The following TENM1 variants were observed in gnomAD, a reference collection of about 807,000 sequenced individuals.
TENM1 encodes the protein teneurin-1.
Under a neutral mutation model 174.8 loss-of-function variants are expected in TENM1, and 35 were observed. The observed-to-expected ratio is 0.20, with a 90% CI of 0.15 to 0.27. The LOEUF (loss-of-function observed/expected upper bound fraction) is 0.27. Ranked by LOEUF, TENM1 falls within the 10% of genes least tolerant of loss-of-function variation. The probability of loss-of-function intolerance (pLI) is 1.00; values close to 1 mark genes in which losing one functional copy is unlikely to be tolerated. For missense variants in TENM1, 1,633 were observed against 2,130.1 expected, an observed-to-expected ratio of 0.77 and a Z score of 4.59; for synonymous variants, 781 against 798.7, an observed-to-expected ratio of 0.98 and a Z score of 0.37.
chrX:124,996,138 C>T, the TENM1 span, among the ~76,000 whole-genome samples: 1 of 111,328 alleles, frequency 9.0e-6, no homozygotes. Flanking sequence ...GAGAATTGTG[C>T]ATATTCTTTA....
At chrX:125,020,969 C>T in the TENM1 span, among the ~76,000 whole-genome samples, 1 of 111,315 alleles carries the variant, frequency 9.0e-6, no homozygotes, top group Non-Finnish European at 1.9e-5. Context: ...TGATTTAACA[C>T]TCTACATACA....
chrX:124,671,055 G>A (rs1347475092), intron 6 of TENM1, among the ~76,000 whole-genome samples: 1 of 111,051 alleles, frequency 9.0e-6, no homozygotes, highest in Non-Finnish European at 1.9e-5. Flanking sequence ...TTAAGACTAA[G>A]ATCATTCAGT....
chrX:124,964,195 A>G (rs193010016), upstream of TENM1, among the ~76,000 whole-genome samples: 7 of 112,532 alleles, frequency 6.2e-5, no homozygotes, highest in East Asian at 2.0e-3. Context: ...GAGTACAAAG[A>G]TTAACCCTGC....
chrX:124,996,730 C>T, the TENM1 span, among the ~76,000 whole-genome samples: 2 of 110,942 alleles, frequency 1.8e-5, no homozygotes, highest in Non-Finnish European at 3.8e-5. Flanking sequence ...GGCTAATCAA[C>T]CTCTTGAGCA....
chrX:124,584,607 C>G (rs752550524), intron 11 of TENM1, among the ~76,000 whole-genome samples: 11 of 111,278 alleles, frequency 9.9e-5, no homozygotes, highest in Non-Finnish European at 2.1e-4. Context: ...ACCATCAAGG[C>G]TAGGAAGAAA....
intron 1 of TENM1, among the ~76,000 whole-genome samples, chrX:124,931,716 A>G (rs2058173872): frequency 9.0e-6 from 1 of 111,252 alleles, no homozygotes; most frequent in Non-Finnish European, 1.9e-5. Flanking sequence ...AAGGGAGGCA[A>G]ACATTTTCTG....
chrX:124,674,135 T>G (rs1318083084), intron 5 of TENM1, among the ~76,000 whole-genome samples: 1 of 108,763 alleles, frequency 9.2e-6, no homozygotes, highest in Non-Finnish European at 1.9e-5. Context: ...AGAAAAAGAA[T>G]GAAAAGTCAT....
chrX:124,633,630 G>A (rs989852531), intron 11 of TENM1, among the ~76,000 whole-genome samples: 1 of 110,254 alleles, frequency 9.1e-6, no homozygotes, highest in Non-Finnish European at 1.9e-5. Flanking sequence ...AAAATCTTAT[G>A]GCCATTAAAT....
chrX:124,769,109 T>C (rs1278482536), intron 3 of TENM1, among the ~76,000 whole-genome samples: 5 of 112,232 alleles, frequency 4.5e-5, no homozygotes, highest in Admixed American at 9.4e-5. Context: ...CAATTATTAT[T>C]ATAACAAATG....
At chrX:124,653,001 C>T (rs972018553) in intron 7 of TENM1, among the ~76,000 whole-genome samples, 1 of 111,255 alleles carries the variant, frequency 9.0e-6, no homozygotes, top group Non-Finnish European at 1.9e-5. Flanking sequence ...ATCACTTTTT[C>T]TACTTCTTAG....
At chrX:124,379,886 C>T (rs1041713769) in exon 32 of TENM1, 2 of 111,813 alleles carry the variant, frequency 1.8e-5, no homozygotes, top group Non-Finnish European at 3.8e-5. Context: ...GCTATACAGT[C>T]TGGTTACCAC....
At chrX:124,503,079 C>T (rs2047368933) in intron 19 of TENM1, among the ~76,000 whole-genome samples, 1 of 111,508 alleles carries the variant, frequency 9.0e-6, no homozygotes, top group South Asian at 3.7e-4. Flanking sequence ...ATGTACATGT[C>T]CTACTATAGC....
intron 6 of TENM1, among the ~76,000 whole-genome samples, chrX:124,662,527 T>C (rs1387016880): frequency 9.2e-6 from 1 of 108,487 alleles, no homozygotes; most frequent in African/African-American, 3.4e-5. Flanking sequence ...ATGACCCAAC[T>C]GCCCTTTTGT....
At chrX:124,379,242 T>C (rs1290944980) in exon 32 of TENM1, 1 of 112,137 alleles carries the variant, frequency 8.9e-6, no homozygotes, top group Non-Finnish European at 1.9e-5. Flanking sequence ...TAAATAAAGA[T>C]AAATGGGTAA....
At chrX:124,482,013 C>T (rs367994000) in intron 21 of TENM1, 49 bp from the exon 25 acceptor site, 26 of 836,604 alleles carry the variant, frequency 3.1e-5, no homozygotes, top group Non-Finnish European at 4.1e-5. Flanking sequence ...TCAACACGAA[C>T]CCCCTGGGCT....
intron 11 of TENM1, among the ~76,000 whole-genome samples, chrX:124,580,543 G>A (rs2049280127): frequency 1.8e-5 from 2 of 109,580 alleles, no homozygotes; most frequent in South Asian, 7.9e-4. Context: ...CAGAGTTAGG[G>A]AATAAAATAG....
intron 14 of TENM1, among the ~76,000 whole-genome samples, chrX:124,550,581 A>T (rs762664947): frequency 2.1e-4 from 17 of 80,953 alleles, no homozygotes; most frequent in African/African-American, 7.5e-4. Flanking sequence ...TCATATGAAC[A>T]CCTAGTGTTA....
chrX:124,534,520 A>T (rs2048169553), intron 15 of TENM1, among the ~76,000 whole-genome samples: 1 of 112,321 alleles, frequency 8.9e-6, no homozygotes, highest in Non-Finnish European at 1.9e-5. Context: ...GCAATTTACT[A>T]CATTGCATTT....
rs955862260 is a variant in TENM1 at position 124,955,793 on chromosome X, G to GCACACACACACACA, written c.217+7743_217+7744insTGTGTGTGTGTGTG. On this transcript the variant is annotated intron_variant, in intron 1 of 31. Coordinates refer to ENST00000422452, the Ensembl canonical transcript of TENM1. Reference sequence around the variant, plus strand: ...ATGCATAAACAGATACAACACACGCGCACGCACACACACACACACACACAC... The same window carrying GCACACACACACACA: ...ATGCATAAACAGATACAACACACGCGCACACACACACACACACGCACACACACACACACACACAC... 1.5e-3 allele frequency among the ~76,000 whole-genome samples: 121 copies of GCACACACACACACA among 78,107 alleles called. 1 individual carries two copies. The highest frequency in any genetic ancestry group is 2.6e-3 in the Non-Finnish European group (107 of 40,629). The allele number at this position is 78,107 out of a possible 115,157, so 67.8% of individuals were successfully genotyped here.
Sources: allele counts gnomAD v4.1 joint callset (sites outside exome capture counted in the v4.1 genomes callset), GRCh38; gene constraint gnomAD v4.1.1; transcripts MANE v1.5; gene names NCBI Gene and HGNC (gene_info 2026-07-23, HGNC 2026-07-21).